The following PRR16 variants were observed in gnomAD, a reference collection of about 807,000 sequenced individuals.
The protein encoded by PRR16 is protein Largen.
A neutral mutation model predicts 18.2 loss-of-function variants in PRR16; 6 were observed. That is an observed-to-expected ratio of 0.33 (90% CI 0.18 to 0.65). The LOEUF (loss-of-function observed/expected upper bound fraction) is 0.65. PRR16 is among the 30% of genes least tolerant of loss of function. The probability of loss-of-function intolerance (pLI) is 0.74; values close to 1 mark genes in which losing one functional copy is unlikely to be tolerated. For missense variants in PRR16, 412 were observed against 376.6 expected, an observed-to-expected ratio of 1.09 and a Z score of -0.78; for synonymous variants, 151 against 147.8, an observed-to-expected ratio of 1.02 and a Z score of -0.16.
At chr5:120,579,888 T>TG (rs1219171371) in intron 1 of PRR16, among the ~76,000 whole-genome samples, 1 of 152,228 alleles carries the variant, frequency 6.6e-6, no homozygotes, top group African/African-American at 2.4e-5. Flanking sequence ...TCCATTTGTT[T>TG]GTGTCCTCTC....
chr5:120,549,917 C>G (rs1194404975), intron 1 of PRR16, among the ~76,000 whole-genome samples: 2 of 151,822 alleles, frequency 1.3e-5, no homozygotes, highest in African/African-American at 2.4e-5. Context: ...TTTTATAATT[C>G]CTCACAGAAA....
chr5:120,576,648 T>C (rs2112746010), intron 1 of PRR16, among the ~76,000 whole-genome samples: 1 of 152,282 alleles, frequency 6.6e-6, no homozygotes, highest in East Asian at 1.9e-4. Flanking sequence ...GACTCCTGCC[T>C]GGCTGCTTGA....
chr5:120,791,270 T>G, the PRR16 span, among the ~76,000 whole-genome samples: 1 of 152,114 alleles, frequency 6.6e-6, no homozygotes, highest in African/African-American at 2.4e-5. Flanking sequence ...AATGGAAGAT[T>G]GATATTTCAA....
intron 1 of PRR16, among the ~76,000 whole-genome samples, chr5:120,538,976 G>T (rs1166832795): frequency 6.6e-6 from 1 of 152,072 alleles, no homozygotes; most frequent in Non-Finnish European, 1.5e-5. Context: ...AAGGAAAATT[G>T]GTTTGAAGGA....
intron 1 of PRR16, among the ~76,000 whole-genome samples, chr5:120,498,555 A>G (rs1390873433): frequency 6.6e-6 from 1 of 151,740 alleles, no homozygotes; most frequent in Non-Finnish European, 1.5e-5. Context: ...ACCATTAAAC[A>G]TAAGAGAGAA....
chr5:120,626,725 C>T (rs1754877242), intron 1 of PRR16, among the ~76,000 whole-genome samples: 1 of 152,034 alleles, frequency 6.6e-6, no homozygotes, highest in African/African-American at 2.4e-5. Context: ...TTTTACAATT[C>T]ATTGTAATTT....
At chr5:120,788,675 A>G in the PRR16 span, among the ~76,000 whole-genome samples, 1 of 152,040 alleles carries the variant, frequency 6.6e-6, no homozygotes, top group African/African-American at 2.4e-5. Context: ...TCTTGTACAG[A>G]TAAGTTCTTG....
intron 1 of PRR16, among the ~76,000 whole-genome samples, chr5:120,508,253 G>T (rs1361073918): frequency 1.3e-5 from 2 of 152,108 alleles, no homozygotes; most frequent in South Asian, 2.1e-4. Context: ...TATATGCTGA[G>T]ATGAATGGCA....
At position 120,652,489 on chromosome 5, in the gene PRR16, A is replaced by G. The variant is rs570419280; in HGVS notation, c.160-33465A>G. Reference sequence around the variant, plus strand: ...AGTGGACCAGCTTAATATCAATGTAATAAATCATATTTTTAGTAAGTATTA... The same window carrying G: ...AGTGGACCAGCTTAATATCAATGTAGTAAATCATATTTTTAGTAAGTATTA... On this transcript the variant is annotated intron_variant, in intron 1 of 1. Coordinates refer to ENST00000407149, the MANE Select transcript of PRR16 (RefSeq NM_001300783.2). Among the ~76,000 whole-genome samples the G allele has an allele frequency of 2.6e-5, 4 of 151,542 alleles. No homozygotes were observed. In the East Asian group the frequency reaches 7.8e-4, roughly 30 times the overall value.
chr5:120,525,665 G>A (rs1468757032), intron 1 of PRR16, among the ~76,000 whole-genome samples: 1 of 147,074 alleles, frequency 6.8e-6, no homozygotes, highest in African/African-American at 2.5e-5. Context: ...GGTATTGTCA[G>A]GGACATTGTC....
the PRR16 span, among the ~76,000 whole-genome samples, chr5:120,699,372 A>G: frequency 6.6e-6 from 1 of 152,104 alleles, no homozygotes; most frequent in African/African-American, 2.4e-5. Flanking sequence ...GAGGAACAGG[A>G]AAGAAGGAAA....
chr5:120,633,515 A>G (rs1240791716), intron 1 of PRR16, among the ~76,000 whole-genome samples: 1 of 152,192 alleles, frequency 6.6e-6, no homozygotes, highest in Non-Finnish European at 1.5e-5. Flanking sequence ...CTTAAGGTAA[A>G]GGGGTGGAAA....
the PRR16 span, chr5:120,710,957 C>G: frequency 6.6e-6 from 1 of 151,512 alleles, no homozygotes; most frequent in Non-Finnish European, 1.5e-5. Context: ...TTTTTTCCCC[C>G]CTCAGCTTCT....
chr5:120,538,706 C>T (rs537743841), intron 1 of PRR16, among the ~76,000 whole-genome samples: 1 of 152,194 alleles, frequency 6.6e-6, no homozygotes, highest in African/African-American at 2.4e-5. Flanking sequence ...GTTGCAGTTG[C>T]AGAAAAAAAG....
chr5:120,695,357 T>G, the PRR16 span, among the ~76,000 whole-genome samples: 1 of 152,208 alleles, frequency 6.6e-6, no homozygotes. Context: ...TTCTCAATAA[T>G]TTTTCTGATT....
intron 1 of PRR16, among the ~76,000 whole-genome samples, chr5:120,667,069 G>C (rs1211399487): frequency 2.6e-5 from 4 of 151,852 alleles, no homozygotes; most frequent in African/African-American, 9.7e-5. Flanking sequence ...GTAGAATTCG[G>C]CTGTGAATCC....
At chr5:120,477,575 G>A (rs920608276) in intron 1 of PRR16, among the ~76,000 whole-genome samples, 28 of 152,158 alleles carry the variant, frequency 1.8e-4, no homozygotes, top group African/African-American at 6.8e-4. Flanking sequence ...ATAGCCTCCT[G>A]ACTATTCTCC....
At chr5:120,502,671 C>A (rs1003632068) in intron 1 of PRR16, among the ~76,000 whole-genome samples, 1 of 152,082 alleles carries the variant, frequency 6.6e-6, no homozygotes, top group Non-Finnish European at 1.5e-5. Context: ...ATCTTTTAAT[C>A]CCTATTGGAG....
At chr5:120,469,019 CA>C (rs1449719074) in intron 1 of PRR16, among the ~76,000 whole-genome samples, 4 of 152,148 alleles carry the variant, frequency 2.6e-5, no homozygotes, top group African/African-American at 9.7e-5. Context: ...AGTATGTCAG[CA>C]TTGTTGCCAT....
Sources: allele counts gnomAD v4.1 joint callset (sites outside exome capture counted in the v4.1 genomes callset), GRCh38; gene constraint gnomAD v4.1.1; transcripts MANE v1.5; gene names NCBI Gene and HGNC (gene_info 2026-07-23, HGNC 2026-07-21).